The following KCNH1 variants were observed in gnomAD, a reference collection of about 807,000 sequenced individuals.
KCNH1 encodes potassium voltage-gated channel subfamily H member 1.
A neutral mutation model predicts 69.2 loss-of-function variants in KCNH1; 27 were observed. That is an observed-to-expected ratio of 0.39 (90% confidence interval 0.29 to 0.54). KCNH1 has a LOEUF of 0.54. Among genes scored for constraint, KCNH1 ranks in the 20% least tolerant of loss-of-function variants. KCNH1 has a pLI of 0.68. For synonymous variants in KCNH1, 456 were observed against 487.7 expected (o/e 0.93, Z 0.86); for missense variants, 798 against 1,261.6 (o/e 0.63, Z 5.57).
chr1:211,058,775 T>C (rs1184524591), intron 5 of KCNH1, among the ~76,000 whole-genome samples: 1 of 152,056 alleles, frequency 6.6e-6, no homozygotes, highest in Non-Finnish European at 1.5e-5. Flanking sequence ...ACCTCTCCAA[T>C]CAAAAGTCAC....
At chr1:210,693,556 A>G (rs1681570454) in intron 10 of KCNH1, among the ~76,000 whole-genome samples, 1 of 152,210 alleles carries the variant, frequency 6.6e-6, no homozygotes, top group Non-Finnish European at 1.5e-5. Context: ...ATAAAACACA[A>G]CATGGCCCAC....
At chr1:211,058,453 G>A (rs1690356964) in intron 5 of KCNH1, among the ~76,000 whole-genome samples, 1 of 152,096 alleles carries the variant, frequency 6.6e-6, no homozygotes, top group African/African-American at 2.4e-5. Flanking sequence ...TTTAAAAGCA[G>A]GGGATGAAGT....
intron 9 of KCNH1, among the ~76,000 whole-genome samples, chr1:210,790,096 CT>C (rs1407877481): frequency 6.6e-6 from 1 of 152,220 alleles, no homozygotes; most frequent in Admixed American, 6.5e-5. Flanking sequence ...TTTCCCAATT[CT>C]TTTCAAATGC....
chr1:210,983,667 T>G (rs542322811), intron 6 of KCNH1, among the ~76,000 whole-genome samples: 1 of 152,338 alleles, frequency 6.6e-6, no homozygotes, highest in Non-Finnish European at 1.5e-5. Context: ...CTGTTTTGGT[T>G]ACTGTAGCCT....
At chr1:210,922,197 T>C (rs10863869) in intron 6 of KCNH1, among the ~76,000 whole-genome samples, 94,426 of 151,292 alleles carry the variant, frequency 0.62, 29,748 homozygotes, top group African/African-American at 0.69. Flanking sequence ...CTGGCTAACA[T>C]GGTGAAACCC....
At chr1:210,943,829 T>C (rs1040249440) in intron 6 of KCNH1, among the ~76,000 whole-genome samples, 2 of 152,216 alleles carry the variant, frequency 1.3e-5, no homozygotes, top group African/African-American at 2.4e-5. Flanking sequence ...CTCTGGGCTC[T>C]TACAAGGTAA....
At chr1:210,911,868 T>C (rs1376062589) in intron 7 of KCNH1, among the ~76,000 whole-genome samples, 1 of 152,108 alleles carries the variant, frequency 6.6e-6, no homozygotes, top group East Asian at 1.9e-4. Context: ...AGGGATATCT[T>C]CCACCCCTCT....
intron 6 of KCNH1, among the ~76,000 whole-genome samples, chr1:210,973,983 C>T (rs552146751): frequency 1.1e-4 from 16 of 152,118 alleles, no homozygotes; most frequent in Middle Eastern, 6.8e-3. Flanking sequence ...GAGTTATTTT[C>T]CCAAAGGTTT....
chr1:210,970,602 C>G (rs1351244088), intron 6 of KCNH1, among the ~76,000 whole-genome samples: 1 of 152,136 alleles, frequency 6.6e-6, no homozygotes, highest in African/African-American at 2.4e-5. Context: ...AAAACAAAAA[C>G]TGGATCTCTT....
chr1:211,000,579 C>A (rs1389156664), intron 6 of KCNH1, among the ~76,000 whole-genome samples: 3 of 152,144 alleles, frequency 2.0e-5, no homozygotes, highest in African/African-American at 7.2e-5. Context: ...TGAAAATGGT[C>A]ATACTGCCCA....
intron 1 of KCNH1, among the ~76,000 whole-genome samples, chr1:211,108,141 G>C (rs1450003858): frequency 1.3e-5 from 2 of 152,070 alleles, no homozygotes; most frequent in Non-Finnish European, 2.9e-5. Context: ...GCCAGCTTAG[G>C]GTATTCTCAC....
At chr1:210,701,847 C>T (rs1170227344) in intron 10 of KCNH1, among the ~76,000 whole-genome samples, 1 of 152,148 alleles carries the variant, frequency 6.6e-6, no homozygotes, top group East Asian at 1.9e-4. Context: ...TCTCCCTCCA[C>T]TGCTGACCTA....
At chr1:211,102,647 A>T (rs1227308959) in intron 3 of KCNH1, among the ~76,000 whole-genome samples, 1 of 152,196 alleles carries the variant, frequency 6.6e-6, no homozygotes, top group Non-Finnish European at 1.5e-5. Context: ...CCCCTCCCAG[A>T]TAAAAACAAC....
chr1:210,858,989 T>G, intron 7 of KCNH1: 1 of 406,886 alleles, frequency 2.5e-6, no homozygotes, highest in Non-Finnish European at 4.5e-6. Context: ...TCCCACTGGT[T>G]TCTTTTCCAG....
At chr1:210,836,403 A>G (rs1685284401) in intron 7 of KCNH1, among the ~76,000 whole-genome samples, 1 of 152,184 alleles carries the variant, frequency 6.6e-6, no homozygotes, top group Non-Finnish European at 1.5e-5. Flanking sequence ...CCTGCCAGGA[A>G]ATTACCTTAA....
At chr1:211,078,934 A>AAAAAAAAAG (rs1553377558) in intron 5 of KCNH1, among the ~76,000 whole-genome samples, 3 of 142,464 alleles carry the variant, frequency 2.1e-5, no homozygotes, top group South Asian at 2.3e-4. Flanking sequence ...AAAAAAAAAA[A>AAAAAAAAAG]AAAGAAAGAA....
intron 6 of KCNH1, among the ~76,000 whole-genome samples, chr1:211,005,970 C>A (rs1235080419): frequency 1.3e-5 from 2 of 152,128 alleles, no homozygotes; most frequent in African/African-American, 4.8e-5. Context: ...AAGATGCTCA[C>A]TCCCAGCAAA....
At chr1:210,731,369 C>T (rs559928947) in intron 10 of KCNH1, among the ~76,000 whole-genome samples, 2 of 152,282 alleles carry the variant, frequency 1.3e-5, no homozygotes, top group South Asian at 4.2e-4. Context: ...ATGGCTTCAC[C>T]CAGGCTGCAT....
At chr1:210,897,192 C>G (rs1686887832) in intron 7 of KCNH1, among the ~76,000 whole-genome samples, 1 of 152,212 alleles carries the variant, frequency 6.6e-6, no homozygotes, top group South Asian at 2.1e-4. Flanking sequence ...AGAAGCTGGT[C>G]TTCAAGTTAG....
Sources: gnomAD v4.1 joint callset for allele counts (sites outside exome capture counted in the v4.1 genomes callset) on GRCh38, gnomAD v4.1.1 for gene constraint, MANE v1.5 for transcripts, NCBI Gene and HGNC (gene_info 2026-07-23, HGNC 2026-07-21) for gene names.